The following THADA variants were observed in gnomAD, a reference collection of about 807,000 sequenced individuals.
THADA encodes the protein tRNA (32-2'-O)-methyltransferase regulator THADA.
THADA carries 213 observed loss-of-function variants against 219.8 expected under a neutral mutation model. That is an observed-to-expected ratio of 0.97 (90% confidence interval 0.87 to 1.09). The LOEUF (loss-of-function observed/expected upper bound fraction) is 1.09, where lower values mean the gene tolerates loss of function less well. Ranked by LOEUF, THADA falls within the 50% of genes least tolerant of loss-of-function variation. The pLI is 0.00. For missense variants in THADA, 2,956 were observed against 2,311.3 expected (o/e 1.28, Z -5.72); for synonymous variants, 1,018 against 828.9 (o/e 1.23, Z -3.92).
At chr2:43,280,904 T>C (rs1328433276) in intron 35 of THADA, among the ~76,000 whole-genome samples, 1 of 152,224 alleles carries the variant, frequency 6.6e-6, no homozygotes, top group Non-Finnish European at 1.5e-5. Context: ...GTGGCTGTGA[T>C]TCCCAACAGG....
chr2:43,337,100 AC>A (rs1183740849), intron 30 of THADA, among the ~76,000 whole-genome samples: 1 of 152,254 alleles, frequency 6.6e-6, no homozygotes, highest in Admixed American at 6.5e-5. Flanking sequence ...CAAACAAAAC[AC>A]AACTATGGCC....
chr2:43,462,786 C>A (rs578246982), intron 26 of THADA, among the ~76,000 whole-genome samples: 1 of 151,972 alleles, frequency 6.6e-6, no homozygotes, highest in Non-Finnish European at 1.5e-5. Flanking sequence ...ATCAAAATCA[C>A]AAAACAAAAA....
intron 31 of THADA, among the ~76,000 whole-genome samples, chr2:43,319,910 G>A (rs1253713954): frequency 6.6e-6 from 1 of 152,108 alleles, no homozygotes; most frequent in Non-Finnish European, 1.5e-5. Flanking sequence ...AAACCACTTT[G>A]CAAATCATGA....
chr2:43,430,362 C>A (rs907526270), intron 26 of THADA, 60 bp from the exon 27 acceptor site: 21 of 944,948 alleles, frequency 2.2e-5, no homozygotes, highest in Middle Eastern at 2.2e-4. Context: ...GACAATAAAG[C>A]CTTTTTTTTA....
At chr2:43,370,300 A>C (rs1670646967) in intron 29 of THADA, 1 of 152,216 alleles carries the variant, frequency 6.6e-6, no homozygotes, top group African/African-American at 2.4e-5. Flanking sequence ...ACTTCCTTTC[A>C]TCCCTCATGG....
intron 29 of THADA, among the ~76,000 whole-genome samples, chr2:43,349,147 G>A (rs999945042): frequency 1.8e-4 from 28 of 152,206 alleles, no homozygotes; most frequent in African/African-American, 6.3e-4. Flanking sequence ...CCCTGAGGAG[G>A]GGGTGGTCAT....
intron 26 of THADA, among the ~76,000 whole-genome samples, chr2:43,444,551 T>C (rs1232281051): frequency 6.6e-6 from 1 of 152,228 alleles, no homozygotes; most frequent in Non-Finnish European, 1.5e-5. Context: ...ATCTGCCATC[T>C]AACAGCCTAG....
In THADA at chr2:43,581,035, A is replaced by G. The variant is rs78285280; in HGVS notation, c.721+706T>C. On this transcript the variant is annotated intron_variant, in intron 8 of 37. Transcript: ENST00000405975. ...ATTAAGTTACATTCAAACATATATT[A>G]CCATATAGAATGGGAGGTGAAGAGA... 9.0e-3 allele frequency among the ~76,000 whole-genome samples: 1,376 copies of G among 152,346 alleles called. 23 individuals carry two copies. Among genetic ancestry groups the G allele is most frequent in the African/African-American group, 0.031 (1,300 of 41,572 alleles).
chr2:43,590,644 CAAA>C (rs768406325), intron 4 of THADA, among the ~76,000 whole-genome samples, 177 bp downstream of exon 4: 2 of 59,224 alleles, frequency 3.4e-5, no homozygotes, highest in Admixed American at 1.7e-4. Flanking sequence ...GACTCCGTCT[CAAA>C]AAAAAAAAAA....
intron 36 of THADA, chr2:43,233,316 C>G (rs1221232762): frequency 6.1e-6 from 1 of 162,696 alleles, no homozygotes; most frequent in Non-Finnish European, 1.4e-5. Context: ...CATCGGCAAG[C>G]TTTTCCTTAA....
intron 6 of THADA, 94 bp from the exon 7 acceptor site, chr2:43,586,543 A>G (rs2104144313): frequency 7.4e-7 from 1 of 1,343,650 alleles, no homozygotes; most frequent in South Asian, 1.5e-5. Flanking sequence ...ATCCAAAATG[A>G]TATCATGATA....
At chr2:43,437,695 A>G (rs1680293305) in intron 26 of THADA, among the ~76,000 whole-genome samples, 1 of 152,206 alleles carries the variant, frequency 6.6e-6, no homozygotes, top group Admixed American at 6.5e-5. Flanking sequence ...AAAGTGAAGC[A>G]CTGACTGCCT....
At chr2:43,257,058 C>T (rs537983224) in intron 36 of THADA, among the ~76,000 whole-genome samples, 5 of 152,256 alleles carry the variant, frequency 3.3e-5, no homozygotes, top group South Asian at 2.1e-4. Flanking sequence ...GATGGGAAAA[C>T]GCCTCCCATC....
At chr2:43,468,316 G>A (rs1684504563) in intron 26 of THADA, among the ~76,000 whole-genome samples, 1 of 152,158 alleles carries the variant, frequency 6.6e-6, no homozygotes, top group South Asian at 2.1e-4. Context: ...ATTAACCATA[G>A]GTTTTTGCAC....
chr2:43,290,995 C>G (rs972352855), intron 34 of THADA, among the ~76,000 whole-genome samples: 1 of 152,006 alleles, frequency 6.6e-6, no homozygotes, highest in Non-Finnish European at 1.5e-5. Flanking sequence ...TATTTGCATA[C>G]TTAGTTCACT....
chr2:43,380,558 G>T (rs922904296), intron 29 of THADA, among the ~76,000 whole-genome samples: 2 of 152,124 alleles, frequency 1.3e-5, no homozygotes, highest in Non-Finnish European at 2.9e-5. Flanking sequence ...AGTTGCAGAA[G>T]GACAGAAACA....
intron 18 of THADA, 102 bp downstream of exon 18, chr2:43,552,102 A>G: frequency 6.6e-7 from 1 of 1,523,714 alleles, no homozygotes; most frequent in Non-Finnish European, 8.8e-7. Context: ...TTTTATTCAA[A>G]GCAATAGACT....
At chr2:43,464,590 T>G (rs888580940) in intron 26 of THADA, among the ~76,000 whole-genome samples, 1 of 152,194 alleles carries the variant, frequency 6.6e-6, no homozygotes, top group Non-Finnish European at 1.5e-5. Flanking sequence ...TGTATCACTC[T>G]CGGCAAAGGC....
At chr2:43,525,739 A>C (rs1336241425) in intron 22 of THADA, among the ~76,000 whole-genome samples, 1 of 152,242 alleles carries the variant, frequency 6.6e-6, no homozygotes, top group Non-Finnish European at 1.5e-5. Context: ...TTGTTGAGAT[A>C]CAAAACCATG....
Sources: gnomAD v4.1 joint callset for allele counts (sites outside exome capture counted in the v4.1 genomes callset) on GRCh38, gnomAD v4.1.1 for gene constraint, MANE v1.5 for transcripts, NCBI Gene and HGNC (gene_info 2026-07-23, HGNC 2026-07-21) for gene names.